The following IGSF5 variants were observed in gnomAD, a reference collection of about 807,000 sequenced individuals.
The protein encoded by IGSF5 is immunoglobulin superfamily member 5, also known as immunoglobulin superfamily 5 like.
A neutral mutation model predicts 39.4 loss-of-function variants in IGSF5; 41 were observed. The observed-to-expected ratio is 1.04, with a 90% confidence interval of 0.81 to 1.35. IGSF5 has a LOEUF of 1.35. Among genes scored for constraint, IGSF5 ranks in the 40% most tolerant of loss-of-function variants. The pLI is 0.00. For synonymous variants in IGSF5, 183 were observed against 175.3 expected (o/e 1.04, Z -0.34); for missense variants, 487 against 494.6 (o/e 0.98, Z 0.15).
chr21:39,768,642 A>G (rs1048117440), intron 3 of IGSF5, among the ~76,000 whole-genome samples: 1 of 152,198 alleles, frequency 6.6e-6, no homozygotes, highest in African/African-American at 2.4e-5. Context: ...AGACAATATC[A>G]TTCCTCCCAG....
the IGSF5 span, among the ~76,000 whole-genome samples, chr21:39,723,966 G>T: frequency 7.2e-5 from 11 of 152,038 alleles, no homozygotes; most frequent in African/African-American, 2.7e-4. Context: ...GGCTAACATG[G>T]TGAAGCCACA....
intron 2 of IGSF5, among the ~76,000 whole-genome samples, chr21:39,756,409 G>A (rs1177042417): frequency 6.6e-6 from 1 of 152,188 alleles, no homozygotes; most frequent in Non-Finnish European, 1.5e-5. Flanking sequence ...TTGCTTCTGG[G>A]TTGGCTGTGG....
intron 2 of IGSF5, among the ~76,000 whole-genome samples, chr21:39,758,134 C>T (rs921156916): frequency 4.6e-5 from 7 of 152,124 alleles, no homozygotes; most frequent in Non-Finnish European, 7.4e-5. Flanking sequence ...ACGTAGGGAT[C>T]GCCTGAGCTT....
intron 6 of IGSF5, among the ~76,000 whole-genome samples, chr21:39,789,805 A>C (rs956034830): frequency 1.3e-5 from 2 of 152,332 alleles, no homozygotes; most frequent in Admixed American, 6.5e-5. Flanking sequence ...TATGCACACA[A>C]AGCATTTTGT....
At chr21:39,713,519 C>T in the IGSF5 span, among the ~76,000 whole-genome samples, 1,686 of 152,300 alleles carry the variant, frequency 0.011, 28 homozygotes, top group African/African-American at 0.038. Flanking sequence ...TAACTGCCAC[C>T]TGGTGTCTTT....
chr21:39,720,405 A>T, the IGSF5 span, among the ~76,000 whole-genome samples: 1 of 152,060 alleles, frequency 6.6e-6, no homozygotes, highest in Non-Finnish European at 1.5e-5. Flanking sequence ...GGACCAGTTT[A>T]TGGCCCAGGG....
intron 5 of IGSF5, among the ~76,000 whole-genome samples, chr21:39,784,503 T>C (rs2080186940): frequency 6.6e-6 from 1 of 152,198 alleles, no homozygotes; most frequent in African/African-American, 2.4e-5. Flanking sequence ...TATAGATTGG[T>C]AGTAATAATT....
the IGSF5 span, among the ~76,000 whole-genome samples, chr21:39,720,169 A>G: frequency 1.3e-5 from 2 of 152,266 alleles, no homozygotes; most frequent in South Asian, 2.1e-4. Flanking sequence ...ATCATCAGGC[A>G]CTAGATTCTT....
chr21:39,783,981 T>C (rs570137273), intron 5 of IGSF5, among the ~76,000 whole-genome samples: 210 of 152,320 alleles, frequency 1.4e-3, no homozygotes, highest in Non-Finnish European at 1.7e-3. Context: ...CAGCACCGTG[T>C]ATTGAAGAGG....
chr21:39,721,681 TC>T, the IGSF5 span, among the ~76,000 whole-genome samples: 2 of 57,054 alleles, frequency 3.5e-5, no homozygotes, highest in Non-Finnish European at 7.4e-5. Context: ...GTCCCTTCCT[TC>T]CTTCCTTCCT....
chr21:39,798,454 A>G (rs1251161478), intron 8 of IGSF5, among the ~76,000 whole-genome samples: 1 of 152,092 alleles, frequency 6.6e-6, no homozygotes, highest in Non-Finnish European at 1.5e-5. Context: ...GTGTCTGGAC[A>G]CTGAATCCGG....
At chr21:39,723,858 A>T in the IGSF5 span, among the ~76,000 whole-genome samples, 1 of 152,062 alleles carries the variant, frequency 6.6e-6, no homozygotes, top group Non-Finnish European at 1.5e-5. Context: ...GATCTAAAAA[A>T]CCTTTGGGCC....
At chr21:39,766,208 A>C (rs2080087011) in intron 3 of IGSF5, among the ~76,000 whole-genome samples, 1 of 151,792 alleles carries the variant, frequency 6.6e-6, no homozygotes, top group Non-Finnish European at 1.5e-5. Flanking sequence ...TTCCTGCTTC[A>C]TTCTCTTTCT....
chr21:39,779,487 A>T (rs1297108760), intron 5 of IGSF5, among the ~76,000 whole-genome samples, 182 bp downstream of exon 5: 3 of 152,266 alleles, frequency 2.0e-5, no homozygotes, highest in African/African-American at 7.2e-5. Flanking sequence ...TTATGGAAAC[A>T]GTATGGAGGT....
At chr21:39,777,181 A>T (rs2080145683) in intron 4 of IGSF5, among the ~76,000 whole-genome samples, 1 of 152,154 alleles carries the variant, frequency 6.6e-6, no homozygotes, top group African/African-American at 2.4e-5. Flanking sequence ...TCAACTCAAG[A>T]CTGTGAAGAT....
chr21:39,722,557 T>G, the IGSF5 span: 1 of 152,158 alleles, frequency 6.6e-6, no homozygotes, highest in East Asian at 1.9e-4. Flanking sequence ...GCTATGTGAG[T>G]AAAAAATAAA....
chr21:39,788,090 T>G, intron 5 of IGSF5, 77 bp from the exon 6 acceptor site: 1 of 1,056,808 alleles, frequency 9.5e-7, no homozygotes, highest in Non-Finnish European at 1.4e-6. Flanking sequence ...AATAAGGGAG[T>G]GTATAAAAAT....
intron 8 of IGSF5, among the ~76,000 whole-genome samples, chr21:39,796,329 G>GAAGCCC (rs2086995983): frequency 6.6e-6 from 1 of 152,170 alleles, no homozygotes; most frequent in Non-Finnish European, 1.5e-5. Context: ...ACCAGGCCCC[G>GAAGCCC]TAGCCCTGCA....
At chr21:39,781,927 T>G (rs2146288373) in intron 5 of IGSF5, among the ~76,000 whole-genome samples, 1 of 152,342 alleles carries the variant, frequency 6.6e-6, no homozygotes, top group African/African-American at 2.4e-5. Flanking sequence ...AGGAAGTATT[T>G]CCTTATATGG....
Sources: allele counts gnomAD v4.1 joint callset (sites outside exome capture counted in the v4.1 genomes callset), GRCh38; gene constraint gnomAD v4.1.1; transcripts MANE v1.5; gene names NCBI Gene and HGNC (gene_info 2026-07-23, HGNC 2026-07-21).